PDE6C: variants seen among roughly 807,000 people sequenced by gnomAD.
PDE6C encodes the protein phosphodiesterase 6C.
A neutral mutation model predicts 113.1 loss-of-function variants in PDE6C; 75 were observed. That is an observed-to-expected ratio of 0.66 (90% CI 0.55 to 0.80). The LOEUF (loss-of-function observed/expected upper bound fraction) is 0.80, where lower values mean the gene tolerates loss of function less well. Ranked by LOEUF, PDE6C falls within the 30% of genes least tolerant of loss-of-function variation. The pLI, the probability that PDE6C is intolerant of heterozygous loss-of-function variation, is 0.00. For synonymous variants in PDE6C, 375 were observed against 363.7 expected (o/e 1.03, Z -0.35); for missense variants, 912 against 1,038.6 (o/e 0.88, Z 1.67).
intron 15 of PDE6C, among the ~76,000 whole-genome samples, chr10:93,649,670 T>A (rs1017859475): frequency 3.9e-5 from 6 of 152,164 alleles, no homozygotes; most frequent in African/African-American, 1.4e-4. Flanking sequence ...AGTGGCGTGA[T>A]CTCAACTCAC....
At chr10:93,652,208 T>A (rs1159475861) in intron 15 of PDE6C, among the ~76,000 whole-genome samples, 1 of 152,136 alleles carries the variant, frequency 6.6e-6, no homozygotes, top group African/African-American at 2.4e-5. Flanking sequence ...GGGCCACAAA[T>A]TTGGCCAAAA....
At chr10:93,643,270 A>T (rs754013339) in intron 14 of PDE6C, among the ~76,000 whole-genome samples, 1 of 152,126 alleles carries the variant, frequency 6.6e-6, no homozygotes, top group Non-Finnish European at 1.5e-5. Context: ...TGCCCTCTGC[A>T]TTGGCCTGGT....
At chr10:93,657,371 A>T (rs1439323905) in intron 16 of PDE6C, among the ~76,000 whole-genome samples, 1 of 97,912 alleles carries the variant, frequency 1.0e-5, no homozygotes, top group Non-Finnish European at 1.9e-5. Flanking sequence ...TTTAGTAGAG[A>T]TGGGGTTTCA....
At chr10:93,639,986 T>C in intron 11 of PDE6C, 84 bp from the exon 12 acceptor site, 1 of 1,354,672 alleles carries the variant, frequency 7.4e-7, no homozygotes, top group Non-Finnish European at 1.1e-6. Flanking sequence ...ATTGTAATTT[T>C]GGTTTACACC....
At chr10:93,616,794 C>T (rs191746618) in intron 1 of PDE6C, among the ~76,000 whole-genome samples, 9 of 151,970 alleles carry the variant, frequency 5.9e-5, no homozygotes, top group Admixed American at 2.0e-4. Flanking sequence ...GCTGGGATTA[C>T]AGGCATGCAC....
At chr10:93,639,681 G>A (rs2058549710) in intron 11 of PDE6C, among the ~76,000 whole-genome samples, 2 of 152,176 alleles carry the variant, frequency 1.3e-5, no homozygotes, top group Admixed American at 1.3e-4. Flanking sequence ...GAATTAAGCA[G>A]TCGTTTACTG....
Position 93,640,108 on chromosome 10 carries a change from C to A in PDE6C, c.1521C>A (p.Tyr507Ter). ...DLPDPRSAEL[Y>*]EFRFSDFPLT... ...CAGACCCACGCTCAGCAGAACTGTA[C>A]GAATTCCGCTTCAGTGACTTCCCCC... is the stretch of plus-strand genomic sequence containing the variant. The change falls in exon 12 of 22, where the codon TAC becomes TAA. Residue 507 changes from tyrosine (Y) to a stop codon, truncating the protein, a stop_gained. Coordinates refer to ENST00000371447, the MANE Select transcript of PDE6C (RefSeq NM_006204.4). LOFTEE classifies it high-confidence loss of function. 6.2e-7 allele frequency: 1 copy of A among 1,613,920 alleles called. No homozygotes were observed. Among genetic ancestry groups the A allele is most frequent in the Non-Finnish European group, 8.5e-7 (1 of 1,179,810 alleles).
At chr10:93,656,566 A>T (rs1449536614) in intron 16 of PDE6C, among the ~76,000 whole-genome samples, 2 of 151,300 alleles carry the variant, frequency 1.3e-5, no homozygotes, top group African/African-American at 2.4e-5. Context: ...TTTATTATTT[A>T]TTATTATTAT....
At position 93,626,874 on chromosome 10, in the gene PDE6C, A is replaced by G. The variant is rs2058475623; in HGVS notation, c.1071+3A>G. The G allele has an allele frequency of 6.2e-7, 1 of 1,608,244 alleles. No homozygotes were observed. The highest frequency in any genetic ancestry group is 1.3e-5 in the African/African-American group (1 of 74,824). ...CATATGTTGCTGAAAATGGATTTGTAAGTTATTGAACAAATTCAAATTTTA... is the reference window on the plus strand; with the variant it reads ...CATATGTTGCTGAAAATGGATTTGTGAGTTATTGAACAAATTCAAATTTTA... On this transcript the variant is annotated splice_donor_region_variant and intron_variant, in intron 7 of 21. Transcript: ENST00000371447.
intron 1 of PDE6C, among the ~76,000 whole-genome samples, chr10:93,618,414 G>A (rs546682073): frequency 1.3e-5 from 2 of 152,150 alleles, no homozygotes; most frequent in South Asian, 2.1e-4. Context: ...TAAGTAACAC[G>A]CCCAGGACCA....
rs1395909911 is a variant in PDE6C at position 93,635,576 on chromosome 10, A to G, written c.1349A>G (p.Asp450Gly). The G allele has an allele frequency of 6.2e-7, 1 of 1,613,786 alleles. No individual in the cohort carries two copies. Among genetic ancestry groups the G allele is most frequent in the Admixed American group, 1.7e-5 (1 of 60,028 alleles). ...DKMNKLENRK[D>G]IAQEMLMNQT... Reference sequence around the variant, plus strand: ...ATGAATAAGCTAGAAAACAGAAAGGACATTGCTCAGGAAATGCTCATGAAC... The same window carrying G: ...ATGAATAAGCTAGAAAACAGAAAGGGCATTGCTCAGGAAATGCTCATGAAC... The change falls in exon 10 of 22, where the codon GAC (aspartate) becomes GGC (glycine). Residue 450 changes from aspartate to glycine, a missense_variant. Asp to Gly is a moderately conservative substitution (Grantham distance 94). Transcript: ENST00000371447.
Position 93,644,780 on chromosome 10 carries a change from G to GTATATATA in PDE6C, c.1848-1171_1848-1164dup, listed in dbSNP as rs138885149. ...TTCAAATAAAGAAAATGTGGTGCGT[G>GTATATATA]TATATATATATATATAGTATATATA... On this transcript the variant is annotated intron_variant, in intron 14 of 21. Transcript: ENST00000371447. Among the ~76,000 whole-genome samples, 114 of 142,976 alleles carry GTATATATA rather than the reference G, an allele frequency of 8.0e-4. 1 individual carries two copies. The highest frequency in any genetic ancestry group is 9.3e-4 in the Admixed American group (13 of 13,974). 93.8% of individuals were successfully genotyped at this position (142,976 alleles called of 152,430 possible).
Position 93,665,625 on chromosome 10 carries a change from C to G in PDE6C, c.*207C>G. 1 of 562,958 alleles carries G rather than the reference C, an allele frequency of 1.8e-6. No individual in the cohort carries two copies. The highest frequency in any genetic ancestry group is 3.2e-6 in the Non-Finnish European group (1 of 316,750). 34.9% of individuals were successfully genotyped at this position (562,958 alleles called of 1,614,324 possible). On this transcript the variant is annotated 3_prime_UTR_variant, in exon 22 of 22. Coordinates refer to ENST00000371447, the MANE Select transcript of PDE6C (RefSeq NM_006204.4). ...GTGCAAAATATGACAAAAATAGGTA[C>G]ATTTTTGGTGCCAATTTATTTTAAA...
rs1263581983 is a variant in PDE6C, at chr10:93,612,635, C to A, written c.-91C>A. The A allele has an allele frequency of 1.0e-5, 16 of 1,572,472 alleles. No individual in the cohort carries two copies. Among genetic ancestry groups the A allele is most frequent in the Non-Finnish European group, 1.3e-5 (15 of 1,148,010 alleles). On this transcript the variant is annotated 5_prime_UTR_variant, in exon 1 of 22. Coordinates refer to ENST00000371447, the MANE Select transcript of PDE6C (RefSeq NM_006204.4). ...CATTTACGGTTTCCTCAGTAATTTC[C>A]ACCAGGATGAATTTCCTTCTCATCA...
intron 14 of PDE6C, among the ~76,000 whole-genome samples, chr10:93,644,743 C>T (rs1026058433): frequency 2.7e-5 from 4 of 148,162 alleles, no homozygotes; most frequent in African/African-American, 4.9e-5. Flanking sequence ...AACCACCAAA[C>T]TACTCTCTAT....
intron 1 of PDE6C, among the ~76,000 whole-genome samples, chr10:93,614,009 A>C (rs2058408013): frequency 6.6e-6 from 1 of 152,226 alleles, no homozygotes. Flanking sequence ...TAAGATACAA[A>C]TAAACCAGAG....
intron 8 of PDE6C, among the ~76,000 whole-genome samples, chr10:93,634,267 C>G (rs1384826539): frequency 6.6e-6 from 1 of 152,150 alleles, no homozygotes; most frequent in East Asian, 1.9e-4. Flanking sequence ...AGGTGATCTG[C>G]CTCCCAAAGT....
At position 93,655,751 on chromosome 10, in the gene PDE6C, A is replaced by G. The variant is rs182445749; in HGVS notation, c.1936-9A>G. Reference sequence around the variant, plus strand: ...TGATAGCATTTTATTGTGAATTTTCATCTTACAGAGTTTAAACATCTTCCA... The same window carrying G: ...TGATAGCATTTTATTGTGAATTTTCGTCTTACAGAGTTTAAACATCTTCCA... On this transcript the variant is annotated splice_polypyrimidine_tract_variant and intron_variant, in intron 15 of 21. Transcript: ENST00000371447. The G allele has an allele frequency of 7.0e-3, 10,004 of 1,438,628 alleles. 61 individuals are homozygous for G. Among genetic ancestry groups the G allele is most frequent in the Middle Eastern group, 0.018 (105 of 5,684 alleles). The allele number at this position is 1,438,628 out of a possible 1,614,324, so 89.1% of individuals were successfully genotyped here. A position where few individuals can be genotyped will look rare whatever the true frequency, so the allele number is the denominator to read the frequency against.
At chr10:93,659,691 G>A (rs764885545) in intron 18 of PDE6C, among the ~76,000 whole-genome samples, 1 of 152,108 alleles carries the variant, frequency 6.6e-6, no homozygotes, top group Non-Finnish European at 1.5e-5. Context: ...GAACAGCACG[G>A]GAAAGATTTG....
Sources: gnomAD v4.1 joint callset for allele counts (sites outside exome capture counted in the v4.1 genomes callset) on GRCh38, gnomAD v4.1.1 for gene constraint, MANE v1.5 for transcripts, NCBI Gene and HGNC (gene_info 2026-07-23, HGNC 2026-07-21) for gene names.